Variants in SLIT3 observed in about 807,000 individuals in gnomAD.
SLIT3 encodes slit guidance ligand 3.
Under a neutral mutation model 184.0 loss-of-function variants are expected in SLIT3, and 68 were observed. The observed-to-expected ratio is 0.37, with a 90% CI of 0.30 to 0.45. The LOEUF (loss-of-function observed/expected upper bound fraction) is 0.45, where lower values mean the gene tolerates loss of function less well. Ranked by LOEUF, SLIT3 falls within the 20% of genes least tolerant of loss-of-function variation. The pLI, the probability that SLIT3 is intolerant of heterozygous loss-of-function variation, is 1.00. For missense variants in SLIT3, 1,707 were observed against 2,026.0 expected, an observed-to-expected ratio of 0.84 and a Z score of 3.02; for synonymous variants, 831 against 828.6, an observed-to-expected ratio of 1.00 and a Z score of -0.05.
At chr5:169,099,505 C>T (rs1228298923) in intron 4 of SLIT3, among the ~76,000 whole-genome samples, 1 of 152,222 alleles carries the variant, frequency 6.6e-6, no homozygotes, top group East Asian at 1.9e-4. Flanking sequence ...GTGCTCTTCA[C>T]AGTGCTGACT....
intron 4 of SLIT3, among the ~76,000 whole-genome samples, chr5:168,959,448 G>A (rs1762937128): frequency 6.6e-6 from 1 of 152,204 alleles, no homozygotes; most frequent in Non-Finnish European, 1.5e-5. Flanking sequence ...TCCCACACGT[G>A]AAAACCACCC....
chr5:168,763,537 A>T (rs372497412), intron 14 of SLIT3, among the ~76,000 whole-genome samples: 1 of 152,186 alleles, frequency 6.6e-6, no homozygotes, highest in East Asian at 1.9e-4. Context: ...ATGAGCTAAA[A>T]GTTGGAGCTG....
chr5:169,169,638 C>T (rs1156520932), intron 4 of SLIT3, among the ~76,000 whole-genome samples: 1 of 152,204 alleles, frequency 6.6e-6, no homozygotes, highest in Non-Finnish European at 1.5e-5. Flanking sequence ...AAATTGGTCC[C>T]TATCAGAGAA....
At chr5:168,786,092 C>G in intron 11 of SLIT3, 114 bp from the exon 12 acceptor site, 1 of 695,460 alleles carries the variant, frequency 1.4e-6, no homozygotes, top group Non-Finnish European at 2.5e-6. Flanking sequence ...CAGGACAACC[C>G]CTTCCACGGC....
chr5:168,917,139 C>G lies in SLIT3; in HGVS notation c.414-33803G>C, dbSNP rs541406466. ...GAGTAACTAGGAATAGACAGCGACC[C>G]AACATCATTGCATAATAATCATCAG... On this transcript the variant is annotated intron_variant, in intron 4 of 35. Transcript: ENST00000519560. Among the ~76,000 whole-genome samples, 4 of 152,278 alleles carry G rather than the reference C, an allele frequency of 2.6e-5. No individual in the cohort carries two copies. In the South Asian group the frequency reaches 8.3e-4, roughly 32 times the overall value.
At chr5:169,266,923 C>T (rs1419669790) in intron 1 of SLIT3, among the ~76,000 whole-genome samples, 1 of 152,120 alleles carries the variant, frequency 6.6e-6, no homozygotes, top group Admixed American at 6.6e-5. Context: ...TTACCTTAAG[C>T]AATGTTTTTA....
chr5:169,168,693 C>G (rs1032632422), intron 4 of SLIT3, among the ~76,000 whole-genome samples: 9 of 152,316 alleles, frequency 5.9e-5, no homozygotes, highest in African/African-American at 1.2e-4. Flanking sequence ...GATTCAGACC[C>G]AGATCTGTCT....
chr5:168,945,557 A>G (rs904886143), intron 4 of SLIT3, among the ~76,000 whole-genome samples: 1 of 152,192 alleles, frequency 6.6e-6, no homozygotes, highest in African/African-American at 2.4e-5. Context: ...CTTAGGCAAG[A>G]GAGATGATCA....
chr5:168,678,352 C>A (rs958702115), intron 32 of SLIT3, among the ~76,000 whole-genome samples: 4 of 152,100 alleles, frequency 2.6e-5, no homozygotes, highest in Non-Finnish European at 5.9e-5. Flanking sequence ...AAAATAAAAT[C>A]ATGGCCGGGC....
rs373458709 is a variant in SLIT3 at position 168,778,718 on chromosome 5, G to A, written c.1152-4340C>T. 9.2e-5 allele frequency among the ~76,000 whole-genome samples: 14 copies of A among 152,356 alleles called. 1 individual carries two copies. In the South Asian group the frequency reaches 2.9e-3, roughly 32 times the overall value. On this transcript the variant is annotated intron_variant, in intron 12 of 35. Coordinates refer to ENST00000519560, the MANE Select transcript of SLIT3 (RefSeq NM_003062.4). ...TACTCTGAGCAGGCCAGGGACAACC[G>A]TAGGACAGAGATAACAGCAATAGCA...
At chr5:168,871,662 A>G (rs887062332) in intron 5 of SLIT3, among the ~76,000 whole-genome samples, 10 of 152,142 alleles carry the variant, frequency 6.6e-5, no homozygotes, top group Admixed American at 6.6e-4. Context: ...TTGGGGGCAC[A>G]TATTTGTCTA....
chr5:168,956,907 C>T (rs1762845317), intron 4 of SLIT3, among the ~76,000 whole-genome samples: 2 of 150,792 alleles, frequency 1.3e-5, no homozygotes, highest in African/African-American at 4.9e-5. Context: ...CTCTTCACCT[C>T]AAGGCATTAT....
chr5:168,679,021 C>T (rs1761499944), intron 32 of SLIT3, among the ~76,000 whole-genome samples: 1 of 152,204 alleles, frequency 6.6e-6, no homozygotes, highest in African/African-American at 2.4e-5. Flanking sequence ...GGCATAACCA[C>T]AGGCATTGGC....
intron 4 of SLIT3, among the ~76,000 whole-genome samples, chr5:168,914,118 G>A (rs1266228542): frequency 6.6e-6 from 1 of 152,214 alleles, no homozygotes; most frequent in Admixed American, 6.5e-5. Flanking sequence ...TATGAGAACA[G>A]TGAACTTCAA....
At chr5:169,111,514 A>G (rs902360505) in intron 4 of SLIT3, among the ~76,000 whole-genome samples, 9 of 151,808 alleles carry the variant, frequency 5.9e-5, no homozygotes, top group South Asian at 2.1e-4. Context: ...CACTTTGGGA[A>G]GCTGAGGCAG....
At chr5:168,928,944 T>C (rs574129655) in intron 4 of SLIT3, among the ~76,000 whole-genome samples, 1 of 152,316 alleles carries the variant, frequency 6.6e-6, no homozygotes, top group Admixed American at 6.5e-5. Context: ...ACTCTTCCCA[T>C]TAGGTTATAT....
At chr5:169,164,051 C>A (rs1165155234) in intron 4 of SLIT3, among the ~76,000 whole-genome samples, 3 of 152,152 alleles carry the variant, frequency 2.0e-5, no homozygotes, top group African/African-American at 7.2e-5. Flanking sequence ...CACACTCACC[C>A]CAGTGATTTA....
At chr5:168,831,271 G>C (rs894283462) in intron 6 of SLIT3, among the ~76,000 whole-genome samples, 6 of 151,924 alleles carry the variant, frequency 3.9e-5, no homozygotes, top group Non-Finnish European at 8.8e-5. Context: ...GGTCTCCAAG[G>C]GCATATGAGG....
chr5:169,290,084 C>T (rs531546316), intron 1 of SLIT3, among the ~76,000 whole-genome samples: 2 of 149,232 alleles, frequency 1.3e-5, no homozygotes, highest in Non-Finnish European at 3.0e-5. Context: ...CTAGAACGTA[C>T]ACTAGGGCAT....
Sources: allele counts gnomAD v4.1 joint callset (sites outside exome capture counted in the v4.1 genomes callset), GRCh38; gene constraint gnomAD v4.1.1; transcripts MANE v1.5; gene names NCBI Gene and HGNC (gene_info 2026-07-23, HGNC 2026-07-21).